STK32A: variants seen among roughly 807,000 people sequenced by gnomAD.
STK32A encodes the protein serine/threonine-protein kinase 32A.
STK32A carries 41 observed loss-of-function variants against 53.2 expected under a neutral mutation model. The observed-to-expected ratio is 0.77, with a 90% confidence interval of 0.60 to 1.00. STK32A has a LOEUF of 1.00. Among genes scored for constraint, STK32A ranks in the 50% least tolerant of loss-of-function variants. STK32A has a pLI of 0.00. For synonymous variants in STK32A, 166 were observed against 162.8 expected (o/e 1.02, Z -0.15); for missense variants, 458 against 485.8 (o/e 0.94, Z 0.54).
intron 4 of STK32A, among the ~76,000 whole-genome samples, chr5:147,288,103 T>G (rs1752429282): frequency 6.6e-6 from 1 of 152,178 alleles, no homozygotes. Flanking sequence ...TAACCTATTC[T>G]TTCCTTCTCA....
At chr5:147,284,691 C>CAAAAAAAAAAAAAAAAAAAAAA (rs1401748709) in intron 4 of STK32A, among the ~76,000 whole-genome samples, 1 of 61,414 alleles carries the variant, frequency 1.6e-5, no homozygotes, top group Non-Finnish European at 3.6e-5. Context: ...CAAAACAAGA[C>CAAAAAAAAAAAAAAAAAAAAAA]AAAACAAAAA....
At chr5:147,290,250 G>T (rs376141420) in intron 4 of STK32A, among the ~76,000 whole-genome samples, 1 of 152,038 alleles carries the variant, frequency 6.6e-6, no homozygotes, top group South Asian at 2.1e-4. Context: ...ATGTGTTGGG[G>T]TTTCAGAGAA....
At chr5:147,328,989 T>C (rs1374239592) in intron 5 of STK32A, among the ~76,000 whole-genome samples, 1 of 152,168 alleles carries the variant, frequency 6.6e-6, no homozygotes, top group Non-Finnish European at 1.5e-5. Context: ...CCCCCCACTA[T>C]AACGAGGTTA....
chr5:147,358,703 A>G (rs1401314421), intron 7 of STK32A, among the ~76,000 whole-genome samples: 1 of 152,208 alleles, frequency 6.6e-6, no homozygotes, highest in Non-Finnish European at 1.5e-5. Flanking sequence ...AATAGGATTT[A>G]ATTTAATGGA....
intron 4 of STK32A, among the ~76,000 whole-genome samples, chr5:147,295,053 T>C (rs1376592846): frequency 2.6e-5 from 4 of 152,236 alleles, no homozygotes; most frequent in Non-Finnish European, 5.9e-5. Context: ...TACAGTGAAA[T>C]CTGAGGAAGT....
chr5:147,260,491 A>C (rs1445662125), intron 2 of STK32A, among the ~76,000 whole-genome samples: 1 of 151,828 alleles, frequency 6.6e-6, no homozygotes, highest in Admixed American at 6.6e-5. Flanking sequence ...GTGAGGTTCA[A>C]CTCTTGAAAT....
chr5:147,325,040 T>C (rs1323234122), intron 5 of STK32A, among the ~76,000 whole-genome samples: 5 of 152,196 alleles, frequency 3.3e-5, no homozygotes, highest in Non-Finnish European at 7.3e-5. Flanking sequence ...ACAAATAGCG[T>C]AGCCAGGATT....
chr5:147,283,821 G>T (rs1402159589), intron 4 of STK32A, among the ~76,000 whole-genome samples: 1 of 152,028 alleles, frequency 6.6e-6, no homozygotes. Context: ...CAAGAAAAAT[G>T]CCCAGGACCA....
At chr5:147,394,847 T>C in the STK32A span, among the ~76,000 whole-genome samples, 2 of 152,214 alleles carry the variant, frequency 1.3e-5, no homozygotes, top group Non-Finnish European at 2.9e-5. Context: ...TCCATACCCT[T>C]TCCTCATATG....
chr5:147,288,612 G>GGGAGCA (rs1752453452), intron 4 of STK32A, among the ~76,000 whole-genome samples: 1 of 152,098 alleles, frequency 6.6e-6, no homozygotes, highest in African/African-American at 2.4e-5. Context: ...CTCACATGGT[G>GGGAGCA]GGAGCAGGAG....
downstream of STK32A, chr5:147,391,449 C>T (rs1416581931): frequency 1.3e-5 from 2 of 152,324 alleles, no homozygotes; most frequent in African/African-American, 2.4e-5. Flanking sequence ...GGTTCAGAGG[C>T]AATATGAGGA....
intron 4 of STK32A, among the ~76,000 whole-genome samples, chr5:147,297,429 T>C (rs1244730221): frequency 6.6e-6 from 1 of 152,140 alleles, no homozygotes; most frequent in African/African-American, 2.4e-5. Flanking sequence ...CTTTCCTGAC[T>C]GGGAATCAAA....
intron 4 of STK32A, among the ~76,000 whole-genome samples, chr5:147,313,785 A>G (rs533787137): frequency 6.8e-4 from 104 of 152,306 alleles, no homozygotes; most frequent in Admixed American, 3.8e-3. Context: ...CAGTCAATTG[A>G]CTTTTAACCA....
At chr5:147,278,010 G>T in intron 2 of STK32A, 114 bp from the exon 3 acceptor site, 1 of 869,512 alleles carries the variant, frequency 1.2e-6, no homozygotes, top group Non-Finnish European at 1.8e-6. Flanking sequence ...TTTTAAGGTA[G>T]TCTGAGATCA....
At chr5:147,328,981 C>A (rs2151980540) in intron 5 of STK32A, among the ~76,000 whole-genome samples, 1 of 152,138 alleles carries the variant, frequency 6.6e-6, no homozygotes, top group Non-Finnish European at 1.5e-5. Flanking sequence ...GAGAATTACC[C>A]CCCACTATAA....
At chr5:147,314,119 C>T (rs1458497504) in intron 4 of STK32A, among the ~76,000 whole-genome samples, 1 of 151,842 alleles carries the variant, frequency 6.6e-6, no homozygotes, top group African/African-American at 2.4e-5. Flanking sequence ...ACTTCAAAGT[C>T]ACTATCAAAA....
intron 7 of STK32A, among the ~76,000 whole-genome samples, chr5:147,359,590 G>T (rs974930011): frequency 6.6e-6 from 1 of 152,090 alleles, no homozygotes; most frequent in African/African-American, 2.4e-5. Flanking sequence ...TAGCTTCTCT[G>T]AGTGACGTGT....
intron 1 of STK32A, among the ~76,000 whole-genome samples, chr5:147,238,735 A>C (rs992189921): frequency 6.6e-6 from 1 of 152,042 alleles, no homozygotes. Flanking sequence ...TATTTAACTT[A>C]ATATATAATG....
intron 5 of STK32A, among the ~76,000 whole-genome samples, chr5:147,332,661 A>G (rs1754929206): frequency 6.6e-6 from 1 of 152,178 alleles, no homozygotes; most frequent in Non-Finnish European, 1.5e-5. Context: ...AGTAGACCAC[A>G]AGCCCTTGCA....
Sources: allele counts gnomAD v4.1 joint callset (sites outside exome capture counted in the v4.1 genomes callset), GRCh38; gene constraint gnomAD v4.1.1; transcripts MANE v1.5; gene names NCBI Gene and HGNC (gene_info 2026-07-23, HGNC 2026-07-21).